USP17L15: variants seen among roughly 807,000 people sequenced by gnomAD.
The protein encoded by USP17L15 is ubiquitin carboxyl-terminal hydrolase 17-like protein 15.
In USP17L15 at chr4:9,236,016, C is replaced by G; in HGVS notation, c.1632C>G (p.His544Gln). The change falls in exon 1 of 1, where the codon CAC (histidine) becomes CAG (glutamine). Residue 544 changes from histidine (H) to glutamine (Q), a missense_variant. His to Gln is a conservative substitution (Grantham distance 24). Transcript: ENST00000456464. ...ACCGACCCACACGTAGGGGTGCACA[C>G]ACACACGCACACACACAGACACACA... ...WKYRPTRRGA[H>Q]THAHTQTHT The G allele has an allele frequency of 8.5e-6, 1 of 118,008 alleles. No individual in the cohort carries two copies. The highest frequency in any genetic ancestry group is 1.4e-5 in the Non-Finnish European group (1 of 70,956). 7.3% of individuals were successfully genotyped at this position (118,008 alleles called of 1,614,324 possible).
In USP17L15 at chr4:9,235,169, C is replaced by A. The variant is rs781344706; in HGVS notation, c.785C>A (p.Pro262Gln). Reference protein sequence around the residue: ...YHCGVCLQRAPASKTLTLHTS... With the variant: ...YHCGVCLQRAQASKTLTLHTS... Reference sequence around the variant, plus strand: ...TGTGGTGTTTGTCTCCAGAGGGCGCCGGCCTCCAAGACGTTAACTTTACAC... The same window carrying A: ...TGTGGTGTTTGTCTCCAGAGGGCGCAGGCCTCCAAGACGTTAACTTTACAC... Residue 262 changes from proline to glutamine, a missense_variant, in exon 1 of 1, where the codon CCG (proline) becomes CAG (glutamine). By Grantham distance (76) the Pro-to-Gln change is moderately conservative. Coordinates refer to ENST00000456464, the MANE Select transcript of USP17L15 (RefSeq NM_001256894.2). 1.3e-5 allele frequency: 1 copy of A among 75,494 alleles called. No individual in the cohort carries two copies. Among genetic ancestry groups the A allele is most frequent in the South Asian group, 9.5e-5 (1 of 10,540 alleles). 4.7% of individuals were successfully genotyped at this position (75,494 alleles called of 1,614,324 possible).
chr4:9,235,259 A>G lies in USP17L15; in HGVS notation c.875A>G (p.Asp292Gly). ...RFSDVTGNKI[D>G]KNVQYPECLD... is the part of the protein sequence containing the mutation. ...TCCGATGTCACAGGCAACAAGATTG[A>G]CAAGAATGTGCAATATCCTGAGTGC... The change falls in exon 1 of 1, where the codon GAC (aspartate) becomes GGC (glycine). Residue 292 changes from aspartate to glycine, a missense_variant. Coordinates refer to ENST00000456464, the MANE Select transcript of USP17L15 (RefSeq NM_001256894.2). 1 of 176,678 alleles carries G rather than the reference A, an allele frequency of 5.7e-6. No individual in the cohort carries two copies. The highest frequency in any genetic ancestry group is 8.2e-6 in the Non-Finnish European group (1 of 121,864). The allele number at this position is 176,678 out of a possible 1,614,324, so 10.9% of individuals were successfully genotyped here. A position where few individuals can be genotyped will look rare whatever the true frequency, so the allele number is the denominator to read the frequency against.
chr4:9,235,319 C>G, the USP17L15 span: 1 of 169,666 alleles, frequency 5.9e-6, no homozygotes, highest in Non-Finnish European at 8.6e-6. Flanking sequence ...CAGACGAACT[C>G]AGGACCTCTC....
chr4:9,235,376 A>C lies in USP17L15; in HGVS notation c.992A>C (p.His331Pro). The change falls in exon 1 of 1, where the codon CAC becomes CCC. Residue 331 changes from histidine to proline, a missense_variant. Transcript: ENST00000456464. The stretch of plus-strand genomic sequence containing the variant: ...CTGGTCCACGCTGGGTGGAGTTGTC[A>C]CAACGGACATTACTTCTCTTATGTC... ...AVLVHAGWSC[H>P]NGHYFSYVKA... is the part of the protein sequence containing the mutation. The C allele has an allele frequency of 3.8e-5, 4 of 104,860 alleles. 2 individuals are homozygous for C. The highest frequency in any genetic ancestry group is 6.3e-5 in the Non-Finnish European group (4 of 63,146). The allele number at this position is 104,860 out of a possible 1,614,324, so 6.5% of individuals were successfully genotyped here.
Position 9,235,247 on chromosome 4 carries a change from G to A in USP17L15, c.863G>A (p.Gly288Asp). Residue 288 changes from glycine (G) to aspartate (D), a missense_variant, in exon 1 of 1, where the codon GGC becomes GAC. Gly to Asp is a moderately conservative substitution (Grantham distance 94, BLOSUM62 -1). Transcript: ENST00000456464. Reference sequence around the variant, plus strand: ...TTGAAGAGATTCTCCGATGTCACAGGCAACAAGATTGACAAGAATGTGCAA... The same window carrying A: ...TTGAAGAGATTCTCCGATGTCACAGACAACAAGATTGACAAGAATGTGCAA... ...LVLKRFSDVT[G>D]NKIDKNVQYP... 1.7e-5 allele frequency: 3 copies of A among 174,678 alleles called. 1 individual carries two copies. The highest frequency in any genetic ancestry group is 8.1e-5 in the Admixed American group (1 of 12,414). 10.8% of individuals were successfully genotyped at this position (174,678 alleles called of 1,614,324 possible).
In USP17L15 at chr4:9,235,254, G is replaced by A; in HGVS notation, c.870G>A (p.Lys290=). The A allele has an allele frequency of 1.7e-5, 3 of 177,342 alleles. No homozygotes were observed. Among genetic ancestry groups the A allele is most frequent in the Non-Finnish European group, 2.5e-5 (3 of 122,172 alleles). 11.0% of individuals were successfully genotyped at this position (177,342 alleles called of 1,614,324 possible). A position where few individuals can be genotyped will look rare whatever the true frequency, so the allele number is the denominator to read the frequency against. ...LKRFSDVTGN[K]IDKNVQYPEC... ...GATTCTCCGATGTCACAGGCAACAA[G>A]ATTGACAAGAATGTGCAATATCCTG... The change falls in exon 1 of 1, where the codon AAG becomes AAA. Residue 290 remains lysine (K), a synonymous_variant. Coordinates refer to ENST00000456464, the MANE Select transcript of USP17L15 (RefSeq NM_001256894.2).
In USP17L15 at chr4:9,234,919, G is replaced by A; in HGVS notation, c.535G>A (p.Gly179Arg). Reference protein sequence around the residue: ...VDAMKKACLPGHKQVDHHSKD... With the variant: ...VDAMKKACLPRHKQVDHHSKD... Reference sequence around the variant, plus strand: ...TGCCATGAAAAAGGCATGCCTTCCCGGGCACAAGCAGGTGGATCATCACTC... The same window carrying A: ...TGCCATGAAAAAGGCATGCCTTCCCAGGCACAAGCAGGTGGATCATCACTC... The change falls in exon 1 of 1, where the codon GGG (glycine) becomes AGG (arginine). Residue 179 changes from glycine to arginine, a missense_variant. Physicochemically the swap from Gly to Arg is moderately radical, Grantham distance 125. Transcript: ENST00000456464. The A allele has an allele frequency of 4.5e-5, 2 of 44,442 alleles. No homozygotes were observed. Among genetic ancestry groups the A allele is most frequent in the Non-Finnish European group, 4.2e-5 (1 of 23,936 alleles). The allele number at this position is 44,442 out of a possible 1,614,324, so 2.8% of individuals were successfully genotyped here. A position where few individuals can be genotyped will look rare whatever the true frequency, so the allele number is the denominator to read the frequency against.
chr4:9,235,314 G>C lies in USP17L15; in HGVS notation c.930G>C (p.Thr310=), dbSNP rs1447538782. The part of the protein sequence containing the change: ...CLDMKLYMSQ[T]NSGPLVYVLY... ...ACATGAAGCTATACATGTCTCAGAC[G>C]AACTCAGGACCTCTCGTCTATGTCC... is the stretch of plus-strand genomic sequence containing the variant. The change falls in exon 1 of 1, where the codon ACG becomes ACC. Residue 310 remains threonine, a synonymous_variant. Transcript: ENST00000456464. 1.1e-5 allele frequency: 2 copies of C among 176,396 alleles called. 1 individual carries two copies. Among genetic ancestry groups the C allele is most frequent in the Non-Finnish European group, 1.7e-5 (2 of 120,138 alleles). The allele number at this position is 176,396 out of a possible 1,614,324, so 10.9% of individuals were successfully genotyped here.
Position 9,235,060 on chromosome 4 carries a change from G to T in USP17L15, c.676G>T (p.Asp226Tyr), listed in dbSNP as rs1400371346. The T allele has an allele frequency of 1.7e-5, 1 of 59,098 alleles. No individual in the cohort carries two copies. The highest frequency in any genetic ancestry group is 1.2e-4 in the South Asian group (1 of 8,344). 3.7% of individuals were successfully genotyped at this position (59,098 alleles called of 1,614,324 possible). ...TFDPYLDIAL[D>Y]IQAAQSVQQA... ...TGACCCTTACCTGGACATCGCCCTG[G>T]ATATCCAGGCAGCTCAGAGTGTCCA... The change falls in exon 1 of 1, where the codon GAT becomes TAT. Residue 226 changes from aspartate (D) to tyrosine (Y), a missense_variant. Transcript: ENST00000456464.
Position 9,234,918 on chromosome 4 carries a change from C to T in USP17L15, c.534C>T (p.Pro178=), listed in dbSNP as rs1553867905. 1.8e-4 allele frequency: 8 copies of T among 44,150 alleles called. 1 individual carries two copies. Among genetic ancestry groups the T allele is most frequent in the Admixed American group, 2.9e-4 (1 of 3,456 alleles). 2.7% of individuals were successfully genotyped at this position (44,150 alleles called of 1,614,324 possible). ...ATGCCATGAAAAAGGCATGCCTTCC[C>T]GGGCACAAGCAGGTGGATCATCACT... ...TVDAMKKACL[P]GHKQVDHHSK... Residue 178 remains proline (P), a synonymous_variant, in exon 1 of 1, where the codon CCC becomes CCT. Transcript: ENST00000456464.
Position 9,235,703 on chromosome 4 carries a change from T to A in USP17L15, c.1319T>A (p.Leu440His). ...AGCACCTTAGACCACTGGAAATTCC[T>A]TCAAGAGCAAAACAAAACGAAGCCT... ...QESTLDHWKF[L>H]QEQNKTKPEF... Residue 440 changes from leucine to histidine, a missense_variant, in exon 1 of 1, where the codon CTT (leucine) becomes CAT (histidine). By Grantham distance (99) the Leu-to-His change is moderately conservative. Transcript: ENST00000456464. The A allele has an allele frequency of 1.9e-5, 1 of 53,678 alleles. No individual in the cohort carries two copies. Among genetic ancestry groups the A allele is most frequent in the South Asian group, 1.3e-4 (1 of 7,890 alleles). The allele number at this position is 53,678 out of a possible 1,614,324, so 3.3% of individuals were successfully genotyped here. A position where few individuals can be genotyped will look rare whatever the true frequency, so the allele number is the denominator to read the frequency against.
rs766461905 is a variant in USP17L15 at position 9,235,302 on chromosome 4, C to T, written c.918C>T (p.Tyr306=). Residue 306 remains tyrosine (Y), a synonymous_variant, in exon 1 of 1, where the codon TAC becomes TAT. Transcript: ENST00000456464. ...QYPECLDMKL[Y]MSQTNSGPLV... ...CTGAGTGCCTTGACATGAAGCTATA[C>T]ATGTCTCAGACGAACTCAGGACCTC... 5.2e-6 allele frequency: 1 copy of T among 191,094 alleles called. No individual in the cohort carries two copies. The highest frequency in any genetic ancestry group is 5.2e-5 in the South Asian group (1 of 19,048). 11.8% of individuals were successfully genotyped at this position (191,094 alleles called of 1,614,324 possible).
Position 9,236,030 on chromosome 4 carries a change from C to T in USP17L15, c.1646C>T (p.Thr549Ile). Residue 549 changes from threonine to isoleucine, a missense_variant, in exon 1 of 1, where the codon ACA (threonine) becomes ATA (isoleucine). Thr to Ile is a moderately conservative substitution (Grantham distance 89). Coordinates refer to ENST00000456464, the MANE Select transcript of USP17L15 (RefSeq NM_001256894.2). ...AGGGGTGCACACACACACGCACACA[C>T]ACAGACACACACATAACTACACCCA... ...TRRGAHTHAHTQTHT is the reference protein window; with the variant it reads ...TRRGAHTHAHIQTHT 1.7e-5 allele frequency: 2 copies of T among 117,488 alleles called. 1 individual carries two copies. The highest frequency in any genetic ancestry group is 2.9e-5 in the Non-Finnish European group (2 of 69,426). The allele number at this position is 117,488 out of a possible 1,614,324, so 7.3% of individuals were successfully genotyped here.
rs768660937 is a variant in USP17L15 at position 9,235,368 on chromosome 4, G to T, written c.984G>T (p.Trp328Cys). 8.6e-6 allele frequency: 1 copy of T among 116,378 alleles called. No individual in the cohort carries two copies. The highest frequency in any genetic ancestry group is 7.2e-5 in the South Asian group (1 of 13,904). The allele number at this position is 116,378 out of a possible 1,614,324, so 7.2% of individuals were successfully genotyped here. Residue 328 changes from tryptophan (W) to cysteine (C), a missense_variant, in exon 1 of 1, where the codon TGG (tryptophan) becomes TGT (cysteine). Coordinates refer to ENST00000456464, the MANE Select transcript of USP17L15 (RefSeq NM_001256894.2). ...VLYAVLVHAG[W>C]SCHNGHYFSY... ...ATGCTGTGCTGGTCCACGCTGGGTG[G>T]AGTTGTCACAACGGACATTACTTCT... is the stretch of plus-strand genomic sequence containing the variant.
rs764756669 is a variant in USP17L15, at chr4:9,236,030, C to A, written c.1646C>A (p.Thr549Lys). Residue 549 changes from threonine to lysine, a missense_variant, in exon 1 of 1, where the codon ACA (threonine) becomes AAA (lysine). Transcript: ENST00000456464. ...TRRGAHTHAH[T>K]QTHT ...AGGGGTGCACACACACACGCACACA[C>A]ACAGACACACACATAACTACACCCA... is the stretch of plus-strand genomic sequence containing the variant. The A allele has an allele frequency of 3.4e-5, 4 of 117,472 alleles. 2 individuals are homozygous for A. The highest frequency in any genetic ancestry group is 1.9e-4 in the Admixed American group (2 of 10,402). 7.3% of individuals were successfully genotyped at this position (117,472 alleles called of 1,614,324 possible). A position where few individuals can be genotyped will look rare whatever the true frequency, so the allele number is the denominator to read the frequency against.
Position 9,235,941 on chromosome 4 carries a change from C to T in USP17L15, c.1557C>T (p.Asn519=). The change falls in exon 1 of 1, where the codon AAC becomes AAT. Residue 519 remains asparagine (N), a synonymous_variant. Coordinates refer to ENST00000456464, the MANE Select transcript of USP17L15 (RefSeq NM_001256894.2). ...GGGCCAGGAGATCCAAAGGGAAGAACAAACACAGCAAGAGGGCTCTGCTTG... is the reference window on the plus strand; with the variant it reads ...GGGCCAGGAGATCCAAAGGGAAGAATAAACACAGCAAGAGGGCTCTGCTTG... The part of the protein sequence containing the change: ...RGRARRSKGK[N]KHSKRALLVC... 1.2e-5 allele frequency: 2 copies of T among 163,272 alleles called. 1 individual carries two copies. Among genetic ancestry groups the T allele is most frequent in the Non-Finnish European group, 1.8e-5 (2 of 111,020 alleles). 10.1% of individuals were successfully genotyped at this position (163,272 alleles called of 1,614,324 possible). A position where few individuals can be genotyped will look rare whatever the true frequency, so the allele number is the denominator to read the frequency against.
At position 9,235,311 on chromosome 4, in the gene USP17L15, G is replaced by C. The variant is rs765470326; in HGVS notation, c.927G>C (p.Gln309His). 5.5e-6 allele frequency: 1 copy of C among 181,666 alleles called. No homozygotes were observed. Among genetic ancestry groups the C allele is most frequent in the South Asian group, 5.5e-5 (1 of 18,108 alleles). The allele number at this position is 181,666 out of a possible 1,614,324, so 11.3% of individuals were successfully genotyped here. The change falls in exon 1 of 1, where the codon CAG (glutamine) becomes CAC (histidine). Residue 309 changes from glutamine to histidine, a missense_variant. Transcript: ENST00000456464. ...TTGACATGAAGCTATACATGTCTCA[G>C]ACGAACTCAGGACCTCTCGTCTATG... ...ECLDMKLYMSQTNSGPLVYVL... is the reference protein window; with the variant it reads ...ECLDMKLYMSHTNSGPLVYVL...
chr4:9,234,901 A>G lies in USP17L15; in HGVS notation c.517A>G (p.Lys173Glu). The change falls in exon 1 of 1, where the codon AAA becomes GAA. Residue 173 changes from lysine to glutamate, a missense_variant. Lys to Glu is a moderately conservative substitution (Grantham distance 56). Coordinates refer to ENST00000456464, the MANE Select transcript of USP17L15 (RefSeq NM_001256894.2). Reference sequence around the variant, plus strand: ...TCTCATGTTCACTGTGGATGCCATGAAAAAGGCATGCCTTCCCGGGCACAA... The same window carrying G: ...TCTCATGTTCACTGTGGATGCCATGGAAAAGGCATGCCTTCCCGGGCACAA... The part of the protein sequence containing the change: ...EFLMFTVDAM[K>E]KACLPGHKQV... The G allele has an allele frequency of 2.4e-5, 1 of 41,320 alleles. No individual in the cohort carries two copies. The highest frequency in any genetic ancestry group is 4.6e-5 in the Non-Finnish European group (1 of 21,876). 2.6% of individuals were successfully genotyped at this position (41,320 alleles called of 1,614,324 possible). A position where few individuals can be genotyped will look rare whatever the true frequency, so the allele number is the denominator to read the frequency against.
At position 9,235,960 on chromosome 4, in the gene USP17L15, C is replaced by T. The variant is rs1224649162; in HGVS notation, c.1576C>T (p.Leu526=). Residue 526 remains leucine (L), a synonymous_variant, in exon 1 of 1, where the codon CTG becomes TTG. Coordinates refer to ENST00000456464, the MANE Select transcript of USP17L15 (RefSeq NM_001256894.2). ...GAAGAACAAACACAGCAAGAGGGCT[C>T]TGCTTGTGTGCCAGTGGTCTCAGTG... is the stretch of plus-strand genomic sequence containing the variant. The part of the protein sequence containing the change: ...KGKNKHSKRA[L]LVCQWSQWKY... 2 of 182,650 alleles carry T rather than the reference C, an allele frequency of 1.1e-5. 1 individual carries two copies. The highest frequency in any genetic ancestry group is 1.8e-4 in the Admixed American group (2 of 10,976). 11.3% of individuals were successfully genotyped at this position (182,650 alleles called of 1,614,324 possible).
Sources: allele counts gnomAD v4.1 joint callset, GRCh38; gene constraint gnomAD v4.1.1; transcripts MANE v1.5; gene names NCBI Gene and HGNC (gene_info 2026-07-23, HGNC 2026-07-21).